Variants in NEGR1 observed in about 807,000 individuals in gnomAD.
NEGR1 encodes the protein neuronal growth regulator 1.
Under a neutral mutation model 40.9 loss-of-function variants are expected in NEGR1, and 10 were observed. That is an observed-to-expected ratio of 0.24 (90% CI 0.15 to 0.42). The LOEUF is 0.42. Among genes scored for constraint, NEGR1 ranks in the 10% least tolerant of loss-of-function variants. The probability of loss-of-function intolerance (pLI) is 1.00; values close to 1 mark genes in which losing one functional copy is unlikely to be tolerated. For synonymous variants in NEGR1, 185 were observed against 166.8 expected, an observed-to-expected ratio of 1.11 and a Z score of -0.84; for missense variants, 352 against 438.9, an observed-to-expected ratio of 0.80 and a Z score of 1.77.
chr1:72,038,631 T>C (rs1345126028), intron 1 of NEGR1, among the ~76,000 whole-genome samples: 6 of 152,038 alleles, frequency 3.9e-5, no homozygotes, highest in African/African-American at 1.2e-4. Flanking sequence ...AAAAAGCTTA[T>C]AATCTTTTAA....
intron 2 of NEGR1, among the ~76,000 whole-genome samples, chr1:71,826,496 G>A (rs1402656180): frequency 6.6e-6 from 1 of 151,774 alleles, no homozygotes; most frequent in East Asian, 1.9e-4. Flanking sequence ...CCACTTAAGT[G>A]GGTCTTTTTT....
At chr1:71,660,972 T>C (rs1652035899) in intron 4 of NEGR1, among the ~76,000 whole-genome samples, 1 of 152,200 alleles carries the variant, frequency 6.6e-6, no homozygotes, top group African/African-American at 2.4e-5. Context: ...GTTCCTGTGT[T>C]AGTTTGCTGA....
At chr1:71,823,622 T>C (rs1321859914) in intron 2 of NEGR1, among the ~76,000 whole-genome samples, 1 of 152,072 alleles carries the variant, frequency 6.6e-6, no homozygotes, top group Non-Finnish European at 1.5e-5. Context: ...GACCTGAGCC[T>C]GTAATCTAAG....
chr1:71,691,874 T>C (rs1292074532), intron 4 of NEGR1, among the ~76,000 whole-genome samples: 1 of 151,132 alleles, frequency 6.6e-6, no homozygotes, highest in Non-Finnish European at 1.5e-5. Context: ...TTTCTTTCTT[T>C]TTTTTTTTTT....
intron 5 of NEGR1, among the ~76,000 whole-genome samples, chr1:71,608,071 C>G (rs1173582233): frequency 6.6e-6 from 1 of 152,196 alleles, no homozygotes; most frequent in Non-Finnish European, 1.5e-5. Context: ...ATTCAGCAAC[C>G]AGAATCCTTC....
At chr1:72,235,404 T>C (rs1486263265) in intron 1 of NEGR1, among the ~76,000 whole-genome samples, 1 of 151,874 alleles carries the variant, frequency 6.6e-6, no homozygotes, top group Non-Finnish European at 1.5e-5. Flanking sequence ...AGTTTTCGAA[T>C]GGGGAAAAGG....
chr1:71,675,126 T>TACACAC (rs1553157759), intron 4 of NEGR1, among the ~76,000 whole-genome samples: 34 of 77,796 alleles, frequency 4.4e-4, no homozygotes, highest in South Asian at 2.4e-3. Flanking sequence ...TATATATATA[T>TACACAC]ACACACACAC....
chr1:71,758,594 A>G (rs1655824664), intron 3 of NEGR1, among the ~76,000 whole-genome samples: 3 of 152,186 alleles, frequency 2.0e-5, no homozygotes, highest in Admixed American at 2.0e-4. Context: ...CAAGAAAAAC[A>G]TAATTTTAAA....
intron 1 of NEGR1, among the ~76,000 whole-genome samples, chr1:72,164,368 T>C (rs991225076): frequency 1.3e-5 from 2 of 151,990 alleles, no homozygotes; most frequent in African/African-American, 4.8e-5. Context: ...GGTATTGCTA[T>C]CTGTTTAGCA....
Position 71,402,974 on chromosome 1 carries a change from C to T in NEGR1, c.*4472G>A, listed in dbSNP as rs1016857068. ...AATCAGACATTTATTAGAACATTTC[C>T]AGTTTTTTTGTGGAGGGAGGGCTTT... On this transcript the variant is annotated 3_prime_UTR_variant, in exon 7 of 7. Transcript: ENST00000357731. The T allele has an allele frequency of 6.6e-6, 1 of 151,956 alleles. No homozygotes were observed. The highest frequency in any genetic ancestry group is 6.6e-5 in the Admixed American group (1 of 15,258). The allele number at this position is 151,956 out of a possible 1,614,324, so 9.4% of individuals were successfully genotyped here. A position where few individuals can be genotyped will look rare whatever the true frequency, so the allele number is the denominator to read the frequency against.
rs550305443 is a variant in NEGR1 at position 71,973,110 on chromosome 1, A to T, written c.177-37799T>A. Among the ~76,000 whole-genome samples the T allele has an allele frequency of 3.3e-5, 5 of 152,218 alleles. No homozygotes were observed. The East Asian group carries it at 9.7e-4, about 29-fold the overall frequency. On this transcript the variant is annotated intron_variant, in intron 1 of 6. Transcript: ENST00000357731. ...GTTAATATTTTAATTATACTAATTAATAGAGACCATCCTGGCTAACACGGT... is the reference window on the plus strand; with the variant it reads ...GTTAATATTTTAATTATACTAATTATTAGAGACCATCCTGGCTAACACGGT...
intron 6 of NEGR1, chr1:71,487,210 G>T (rs1031384817): frequency 6.6e-6 from 1 of 151,630 alleles, no homozygotes; most frequent in Admixed American, 6.6e-5. Flanking sequence ...AGAATCAGGA[G>T]TTCTTGCTGA....
At chr1:71,598,043 G>T (rs1295645804) in intron 5 of NEGR1, among the ~76,000 whole-genome samples, 2 of 152,122 alleles carry the variant, frequency 1.3e-5, no homozygotes, top group African/African-American at 4.8e-5. Context: ...ATCCTAGGAG[G>T]TAGTTGTTAT....
At chr1:71,727,433 C>T (rs953944775) in intron 3 of NEGR1, among the ~76,000 whole-genome samples, 3 of 152,152 alleles carry the variant, frequency 2.0e-5, no homozygotes, top group Non-Finnish European at 4.4e-5. Context: ...AGTACTCACA[C>T]TTCAGACATT....
chr1:71,496,428 T>TA (rs1462259752), intron 6 of NEGR1, among the ~76,000 whole-genome samples: 10 of 152,016 alleles, frequency 6.6e-5, no homozygotes, highest in African/African-American at 9.6e-5. Context: ...CAGCAGGTGG[T>TA]AAAAAAAGGG....
chr1:72,252,164 G>A (rs1291734369), intron 1 of NEGR1, among the ~76,000 whole-genome samples: 3 of 126,838 alleles, frequency 2.4e-5, no homozygotes, highest in Non-Finnish European at 4.4e-5. Context: ...GGAGTGCAAT[G>A]GGGCGATGTA....
At chr1:71,721,304 G>T (rs922289544) in intron 3 of NEGR1, among the ~76,000 whole-genome samples, 2 of 152,058 alleles carry the variant, frequency 1.3e-5, no homozygotes, top group Non-Finnish European at 2.9e-5. Context: ...GAGGTCAGTT[G>T]CAGGAATACT....
intron 1 of NEGR1, among the ~76,000 whole-genome samples, chr1:72,180,659 C>A (rs1652331680): frequency 6.6e-6 from 1 of 151,998 alleles, no homozygotes; most frequent in African/African-American, 2.4e-5. Flanking sequence ...ATTTCCCGAA[C>A]AGACATTTCT....
At chr1:72,110,344 C>A (rs1011333704) in intron 1 of NEGR1, among the ~76,000 whole-genome samples, 3 of 149,808 alleles carry the variant, frequency 2.0e-5, no homozygotes, top group Non-Finnish European at 4.4e-5. Flanking sequence ...GGGAATAATT[C>A]TTTTAATTAT....
Sources: allele counts gnomAD v4.1 joint callset (sites outside exome capture counted in the v4.1 genomes callset), GRCh38; gene constraint gnomAD v4.1.1; transcripts MANE v1.5; gene names NCBI Gene and HGNC (gene_info 2026-07-23, HGNC 2026-07-21).